Variants in BIRC6 observed in about 807,000 individuals in gnomAD.
BIRC6 encodes baculoviral IAP repeat containing 6, also known as dual E2 ubiquitin-conjugating enzyme/E3 ubiquitin-protein ligase BIRC6.
BIRC6 carries 98 observed loss-of-function variants against 503.3 expected under a neutral mutation model. The ratio of observed to expected loss-of-function variants is 0.19; its 90% CI spans 0.17 to 0.23. The LOEUF is 0.23. BIRC6 is among the 10% of genes least tolerant of loss of function. BIRC6 has a pLI of 1.00. For synonymous variants in BIRC6, 2,240 were observed against 2,078.7 expected (o/e 1.08, Z -2.11); for missense variants, 5,360 against 5,806.0 (o/e 0.92, Z 2.50).
intron 1 of BIRC6, among the ~76,000 whole-genome samples, chr2:32,369,703 C>T (rs943489658): frequency 2.0e-5 from 3 of 151,772 alleles, no homozygotes; most frequent in Admixed American, 6.6e-5. Context: ...GCTGGGATTA[C>T]GGGCATGAGC....
intron 1 of BIRC6, among the ~76,000 whole-genome samples, chr2:32,366,644 T>C (rs1355315968): frequency 6.6e-6 from 1 of 152,162 alleles, no homozygotes; most frequent in African/African-American, 2.4e-5. Context: ...ATGTGTGTTG[T>C]ATTGCTGATG....
Position 32,357,146 on chromosome 2 carries a change from T to A in BIRC6, c.-16T>A. 1 of 1,482,378 alleles carries A rather than the reference T, an allele frequency of 6.7e-7. No individual in the cohort carries two copies. The highest frequency in any genetic ancestry group is 8.8e-7 in the Non-Finnish European group (1 of 1,131,364). 91.8% of individuals were successfully genotyped at this position (1,482,378 alleles called of 1,614,324 possible). On this transcript the variant is annotated 5_prime_UTR_variant, in exon 1 of 74. Transcript: ENST00000421745. This position sits in a 1 kb window ranked among gnomAD's most constrained non-coding sequence, Gnocchi z 4.9. ...TCACTTCCGGCTAACGCGCTCGGCT[T>A]GCCCCCTGGCCCCGGATGGTGACTG...
At chr2:32,500,803 C>T (rs2053094788) in intron 46 of BIRC6, among the ~76,000 whole-genome samples, 1 of 151,772 alleles carries the variant, frequency 6.6e-6, no homozygotes, top group South Asian at 2.1e-4. Context: ...TGGGGTTATG[C>T]CATGTTGGGC....
intron 69 of BIRC6, among the ~76,000 whole-genome samples, chr2:32,599,184 C>T (rs2061879920): frequency 6.6e-6 from 1 of 151,694 alleles, no homozygotes; most frequent in African/African-American, 2.4e-5. Flanking sequence ...CAAAAATTAG[C>T]CAGGCATGGT....
chr2:32,422,785 C>G (rs981595828), intron 10 of BIRC6, among the ~76,000 whole-genome samples: 3 of 152,104 alleles, frequency 2.0e-5, no homozygotes, highest in African/African-American at 7.2e-5. Flanking sequence ...CCTTGTAGAT[C>G]ATTTAATTTT....
chr2:32,595,396 C>G (rs1227953207), intron 68 of BIRC6, among the ~76,000 whole-genome samples: 1 of 152,144 alleles, frequency 6.6e-6, no homozygotes, highest in Non-Finnish European at 1.5e-5. Flanking sequence ...GTCTACAAAA[C>G]AGGCAGAAAA....
At chr2:32,383,619 C>T (rs2038014206) in intron 3 of BIRC6, among the ~76,000 whole-genome samples, 1 of 152,062 alleles carries the variant, frequency 6.6e-6, no homozygotes, top group Admixed American at 6.6e-5. Flanking sequence ...GCAACCTCCG[C>T]CTTCTGGGTT....
chr2:32,403,374 T>A (rs2040806341), intron 8 of BIRC6, among the ~76,000 whole-genome samples: 1 of 152,204 alleles, frequency 6.6e-6, no homozygotes. Flanking sequence ...TAATTAGCAA[T>A]ATAGTTTGCT....
At chr2:32,484,550 C>CA (rs1251134880) in intron 39 of BIRC6, among the ~76,000 whole-genome samples, 5,147 of 69,222 alleles carry the variant, frequency 0.074, 144 homozygotes, top group African/African-American at 0.11. Context: ...AACTCCAACT[C>CA]AAAAAAAAAA....
At chr2:32,546,758 A>G (rs887767674) in intron 63 of BIRC6, among the ~76,000 whole-genome samples, 6 of 152,168 alleles carry the variant, frequency 3.9e-5, no homozygotes, top group Non-Finnish European at 8.8e-5. Flanking sequence ...CTAAGAGTAA[A>G]TCTGAAAAAT....
At chr2:32,514,911 G>T (rs2054865000) in intron 54 of BIRC6, 79 bp from the exon 55 acceptor site, 2 of 1,158,434 alleles carry the variant, frequency 1.7e-6, no homozygotes, top group South Asian at 3.1e-5. Flanking sequence ...AGTATACTTT[G>T]AACTATAACA....
At chr2:32,464,416 T>C (rs1441315224) in intron 24 of BIRC6, 93 bp from the exon 25 acceptor site, 6 of 1,350,632 alleles carry the variant, frequency 4.4e-6, no homozygotes, top group Non-Finnish European at 5.9e-6. Context: ...AATTTAATCA[T>C]GTTTATCTTC....
At chr2:32,529,494 T>C (rs1366524696) in intron 59 of BIRC6, 157 bp from the exon 60 acceptor site, 5 of 631,228 alleles carry the variant, frequency 7.9e-6, no homozygotes, top group African/African-American at 7.5e-5. Context: ...AAACTCACTT[T>C]TTGTAAACTT....
chr2:32,580,643 A>G (rs552788358), intron 66 of BIRC6, among the ~76,000 whole-genome samples: 31 of 152,302 alleles, frequency 2.0e-4, no homozygotes, highest in African/African-American at 7.2e-4. Flanking sequence ...CATTATAGAA[A>G]GATGGTCTTC....
At chr2:32,576,203 ATTAC>A (rs1167943712) in intron 66 of BIRC6, among the ~76,000 whole-genome samples, 1 of 152,208 alleles carries the variant, frequency 6.6e-6, no homozygotes, top group Non-Finnish European at 1.5e-5. Context: ...AGGTTTATGG[ATTAC>A]TTCTGTTTTA....
intron 8 of BIRC6, among the ~76,000 whole-genome samples, chr2:32,404,153 C>T (rs144554442): frequency 4.5e-4 from 68 of 151,972 alleles, no homozygotes; most frequent in African/African-American, 1.6e-3. Context: ...TGTTCTCGAA[C>T]TCCGGACCTC....
rs188066598 is a variant in BIRC6, at chr2:32,445,778, A to G, written c.4484+110A>G. ...TGCTGATAACAGTCTTTTTCTTACA[A>G]AAATGTTTAGTTTATACCTTACTTT... On this transcript the variant is annotated intron_variant, in intron 21 of 73. Coordinates refer to ENST00000421745, the MANE Select transcript of BIRC6 (RefSeq NM_016252.4). 104 of 840,806 alleles carry G rather than the reference A, an allele frequency of 1.2e-4. No individual in the cohort carries two copies. The African/African-American group carries it at 1.7e-3, about 14-fold the overall frequency. The allele number at this position is 840,806 out of a possible 1,614,324, so 52.1% of individuals were successfully genotyped here. A position where few individuals can be genotyped will look rare whatever the true frequency, so the allele number is the denominator to read the frequency against.
chr2:32,477,480 C>G lies in BIRC6; in HGVS notation c.6965C>G (p.Thr2322Ser). The change falls in exon 35 of 74, where the codon ACT becomes AGT. Residue 2322 changes from threonine to serine, a missense_variant. Transcript: ENST00000421745. The stretch of plus-strand genomic sequence containing the variant: ...CCTGAGATAGAACCACTTCCATTTA[C>G]TCTGGCCCATGAGCGTTGTATCTCA... ...ESPEIEPLPF[T>S]LAHERCISVV... is the part of the protein sequence containing the mutation. The G allele has an allele frequency of 6.2e-7, 1 of 1,613,996 alleles. No individual in the cohort carries two copies. The highest frequency in any genetic ancestry group is 8.5e-7 in the Non-Finnish European group (1 of 1,179,878).
intron 70 of BIRC6, 124 bp downstream of exon 70, chr2:32,600,024 T>TC (rs1407792574): frequency 1.2e-6 from 1 of 852,128 alleles, no homozygotes; most frequent in Non-Finnish European, 1.8e-6. Context: ...GTACTTCTCT[T>TC]CCCTACGTCC....
Sources: allele counts gnomAD v4.1 joint callset (sites outside exome capture counted in the v4.1 genomes callset), GRCh38; gene constraint gnomAD v4.1.1; non-coding constraint Gnocchi (gnomAD v3.1); transcripts MANE v1.5; gene names NCBI Gene and HGNC (gene_info 2026-07-23, HGNC 2026-07-21).